Variants in ZMAT4 observed in about 807,000 individuals in gnomAD.
The protein encoded by ZMAT4 is zinc finger matrin-type protein 4.
Under a neutral mutation model 28.7 loss-of-function variants are expected in ZMAT4, and 17 were observed. That is an observed-to-expected ratio of 0.59 (90% CI 0.41 to 0.89). The LOEUF (loss-of-function observed/expected upper bound fraction) is 0.89, where lower values mean the gene tolerates loss of function less well. Among genes scored for constraint, ZMAT4 ranks in the 40% least tolerant of loss-of-function variants. The pLI is 0.00. For missense variants in ZMAT4, 240 were observed against 283.8 expected (o/e 0.85, Z 1.11); for synonymous variants, 117 against 109.2 (o/e 1.07, Z -0.44).
At chr8:40,779,981 CTCT>C (rs1356831028) in intron 2 of ZMAT4, among the ~76,000 whole-genome samples, 1 of 152,130 alleles carries the variant, frequency 6.6e-6, no homozygotes, top group Non-Finnish European at 1.5e-5. Context: ...AGCTCTCAAG[CTCT>C]TCAACTGCCA....
intron 3 of ZMAT4, among the ~76,000 whole-genome samples, chr8:40,730,272 G>A (rs546149108): frequency 7.2e-4 from 109 of 152,268 alleles, no homozygotes; most frequent in African/African-American, 2.4e-3. Flanking sequence ...GCTGAAAGAT[G>A]AAAGAGACCA....
At chr8:40,860,648 G>A (rs1215796698) in intron 1 of ZMAT4, among the ~76,000 whole-genome samples, 2 of 152,204 alleles carry the variant, frequency 1.3e-5, no homozygotes, top group African/African-American at 2.4e-5. Flanking sequence ...AATTTTGGCA[G>A]AGAACACAGA....
chr8:40,673,891 G>A (rs1808791982), intron 5 of ZMAT4, among the ~76,000 whole-genome samples: 1 of 152,034 alleles, frequency 6.6e-6, no homozygotes, highest in African/African-American at 2.4e-5. Flanking sequence ...GGCATGGTGC[G>A]GAGGAGACAG....
chr8:40,638,937 T>C (rs1806898045), intron 5 of ZMAT4, among the ~76,000 whole-genome samples: 1 of 152,234 alleles, frequency 6.6e-6, no homozygotes, highest in Non-Finnish European at 1.5e-5. Flanking sequence ...GTCTAATACA[T>C]AACTGTTAAA....
intron 6 of ZMAT4, among the ~76,000 whole-genome samples, chr8:40,545,324 T>G (rs1803166759): frequency 6.6e-6 from 1 of 152,146 alleles, no homozygotes; most frequent in African/African-American, 2.4e-5. Context: ...CCATAGGAAC[T>G]GTGAGATAAT....
intron 1 of ZMAT4, among the ~76,000 whole-genome samples, chr8:40,836,904 G>C (rs914002822): frequency 2.6e-5 from 4 of 152,158 alleles, no homozygotes; most frequent in Non-Finnish European, 5.9e-5. Flanking sequence ...GTGAGATGAT[G>C]ATGATCGGTA....
At chr8:40,828,789 C>T (rs1586128861) in intron 1 of ZMAT4, among the ~76,000 whole-genome samples, 1 of 152,144 alleles carries the variant, frequency 6.6e-6, no homozygotes, top group East Asian at 1.9e-4. Context: ...AAAGAGAGCG[C>T]AGTCCATGTA....
At chr8:40,785,976 G>T (rs1346847579) in intron 2 of ZMAT4, among the ~76,000 whole-genome samples, 1 of 152,030 alleles carries the variant, frequency 6.6e-6, no homozygotes, top group Non-Finnish European at 1.5e-5. Context: ...TTTTAAAGGA[G>T]AGAGGGTTTA....
intron 6 of ZMAT4, among the ~76,000 whole-genome samples, chr8:40,575,854 A>G (rs1183107611): frequency 6.6e-6 from 1 of 152,124 alleles, no homozygotes; most frequent in Non-Finnish European, 1.5e-5. Flanking sequence ...ATTCAAAATA[A>G]AAATATTAAG....
chr8:40,642,886 T>C (rs1354572574), intron 5 of ZMAT4, among the ~76,000 whole-genome samples: 2 of 152,170 alleles, frequency 1.3e-5, no homozygotes, highest in Non-Finnish European at 2.9e-5. Flanking sequence ...CCAGTTTCCC[T>C]AGGGAAGATA....
At chr8:40,599,180 AAC>A in intron 5 of ZMAT4, among the ~76,000 whole-genome samples, 2 of 152,234 alleles carry the variant, frequency 1.3e-5, no homozygotes, top group Middle Eastern at 3.4e-3. Context: ...TTAGTCATCT[AAC>A]ACTCTGCCCT....
chr8:40,738,473 A>C (rs1306746727), intron 3 of ZMAT4, among the ~76,000 whole-genome samples: 2 of 152,202 alleles, frequency 1.3e-5, no homozygotes, highest in African/African-American at 4.8e-5. Flanking sequence ...AGCTTACAGC[A>C]AAAGGAGAAC....
chr8:40,757,208 A>G (rs1812734753), intron 3 of ZMAT4, among the ~76,000 whole-genome samples: 1 of 152,152 alleles, frequency 6.6e-6, no homozygotes, highest in South Asian at 2.1e-4. Flanking sequence ...GGAAACATGC[A>G]CTTTGGGTGA....
chr8:40,825,345 A>T (rs938476253), intron 2 of ZMAT4, among the ~76,000 whole-genome samples: 10 of 152,136 alleles, frequency 6.6e-5, no homozygotes, highest in Admixed American at 3.3e-4. Flanking sequence ...TACAAATTTT[A>T]AAAAAAGGAT....
rs567735488 is a variant in ZMAT4 at position 40,547,070 on chromosome 8, C to T, written c.675-14832G>A. Reference sequence around the variant, plus strand: ...GCAATATTTTGATTAACTCCCATTTCGGAATGGCAAAGCAGCTTATGTTAA... The same window carrying T: ...GCAATATTTTGATTAACTCCCATTTTGGAATGGCAAAGCAGCTTATGTTAA... On this transcript the variant is annotated intron_variant, in intron 6 of 6. Coordinates refer to ENST00000297737, the MANE Select transcript of ZMAT4 (RefSeq NM_024645.3). Among the ~76,000 whole-genome samples, 4 of 152,300 alleles carry T rather than the reference C, an allele frequency of 2.6e-5. No individual in the cohort carries two copies. The South Asian group carries it at 6.2e-4, about 24-fold the overall frequency.
chr8:40,556,981 C>T (rs1439754474), intron 6 of ZMAT4, among the ~76,000 whole-genome samples: 2 of 152,032 alleles, frequency 1.3e-5, no homozygotes, highest in Non-Finnish European at 2.9e-5. Context: ...CTTTAACCCC[C>T]ACTCCCACCT....
chr8:40,679,397 G>A (rs1045345415), intron 4 of ZMAT4, among the ~76,000 whole-genome samples: 14 of 152,032 alleles, frequency 9.2e-5, no homozygotes, highest in African/African-American at 3.4e-4. Context: ...CCTGAGACTG[G>A]GTAATTTACA....
chr8:40,542,929 A>T (rs1803088089), intron 6 of ZMAT4, among the ~76,000 whole-genome samples: 1 of 152,114 alleles, frequency 6.6e-6, no homozygotes, highest in Non-Finnish European at 1.5e-5. Flanking sequence ...TTTCACCTCC[A>T]CCAGGCTGAA....
At chr8:40,857,493 A>T (rs1316136904) in intron 1 of ZMAT4, among the ~76,000 whole-genome samples, 2 of 152,208 alleles carry the variant, frequency 1.3e-5, no homozygotes, top group African/African-American at 4.8e-5. Context: ...CATTTGTTAG[A>T]ATGATTGCAA....
Sources: allele counts gnomAD v4.1 joint callset (sites outside exome capture counted in the v4.1 genomes callset), GRCh38; gene constraint gnomAD v4.1.1; transcripts MANE v1.5; gene names NCBI Gene and HGNC (gene_info 2026-07-23, HGNC 2026-07-21).